Variants in UGCG observed in about 807,000 individuals in gnomAD.
The protein encoded by UGCG is ceramide glucosyltransferase.
UGCG carries 10 observed loss-of-function variants against 49.5 expected under a neutral mutation model. The ratio of observed to expected loss-of-function variants is 0.20; its 90% CI spans 0.12 to 0.34. The LOEUF is 0.34. UGCG is among the 10% of genes least tolerant of loss of function. The pLI is 1.00. For missense variants in UGCG, 312 were observed against 483.7 expected (o/e 0.65, Z 3.33); for synonymous variants, 182 against 158.2 (o/e 1.15, Z -1.13).
rs149359824 is a variant in UGCG, at chr9:111,923,562, G to T, written c.343+611G>T. The stretch of plus-strand genomic sequence containing the variant: ...GACCATTACAAATCTATCAGCTCAT[G>T]GTCAGAGATGCTCATTCTTCACATG... On this transcript the variant is annotated intron_variant, in intron 3 of 8. Transcript: ENST00000374279. Among the ~76,000 whole-genome samples the T allele has an allele frequency of 1.6e-4, 24 of 152,128 alleles. 1 individual carries two copies. The South Asian group carries it at 4.6e-3, about 29-fold the overall frequency.
At position 111,897,065 on chromosome 9, in the gene UGCG, T is replaced by G. The variant is rs1384324978; in HGVS notation, c.-151T>G. ...GGGGCGCGCAGGCCCTGCCCGCCCCTTCCGTCCCCACCCCCCTCCGCCCTT... is the reference window on the plus strand; with the variant it reads ...GGGGCGCGCAGGCCCTGCCCGCCCCGTCCGTCCCCACCCCCCTCCGCCCTT... On this transcript the variant is annotated 5_prime_UTR_variant, in exon 1 of 9. Coordinates refer to ENST00000374279, the MANE Select transcript of UGCG (RefSeq NM_003358.3). 19 of 192,816 alleles carry G rather than the reference T, an allele frequency of 9.9e-5. No individual in the cohort carries two copies. The highest frequency in any genetic ancestry group is 6.1e-4 in the East Asian group (3 of 4,916). The allele number at this position is 192,816 out of a possible 1,614,324, so 11.9% of individuals were successfully genotyped here.
chr9:111,915,822 T>G, intron 2 of UGCG: 1 of 984,672 alleles, frequency 1.0e-6, no homozygotes, highest in Non-Finnish European at 1.2e-6. Flanking sequence ...ATAGCCTTAA[T>G]GCAGCACTTA....
chr9:111,931,659 C>T (rs1353093039), intron 7 of UGCG, among the ~76,000 whole-genome samples: 3 of 151,992 alleles, frequency 2.0e-5, no homozygotes, highest in East Asian at 1.9e-4. Flanking sequence ...TTCATCAGAG[C>T]GTAGGCCATA....
At chr9:111,928,171 C>G (rs891593272) in intron 5 of UGCG, among the ~76,000 whole-genome samples, 1 of 152,190 alleles carries the variant, frequency 6.6e-6, no homozygotes, top group African/African-American at 2.4e-5. Context: ...ATTGTGGGAA[C>G]TTGCATCTGG....
At chr9:111,908,059 G>C (rs1262786677) in intron 1 of UGCG, among the ~76,000 whole-genome samples, 2 of 151,558 alleles carry the variant, frequency 1.3e-5, no homozygotes, top group African/African-American at 4.9e-5. Context: ...AATCCAGTTA[G>C]CGTTTCTTCA....
chr9:111,898,869 G>C (rs1442237140), intron 1 of UGCG, among the ~76,000 whole-genome samples: 1 of 152,166 alleles, frequency 6.6e-6, no homozygotes, highest in Non-Finnish European at 1.5e-5. Flanking sequence ...TTATTGTTCT[G>C]TAACCTGCTT....
chr9:111,901,218 C>T (rs944405127), intron 1 of UGCG, among the ~76,000 whole-genome samples: 6 of 152,188 alleles, frequency 3.9e-5, no homozygotes, highest in African/African-American at 1.4e-4. Context: ...ATAAACTACC[C>T]GTCAAAAACT....
chr9:111,912,743 A>C (rs573194791), intron 1 of UGCG, among the ~76,000 whole-genome samples: 3 of 152,330 alleles, frequency 2.0e-5, no homozygotes, highest in African/African-American at 7.2e-5. Context: ...AAACCAGTAA[A>C]AAGCAATGCT....
In UGCG at chr9:111,934,379, G is replaced by C. The variant is rs150761575; in HGVS notation, c.*1382G>C. 5.3e-3 allele frequency: 799 copies of C among 151,588 alleles called. 8 individuals are homozygous for C. The highest frequency in any genetic ancestry group is 0.017 in the African/African-American group (712 of 41,392). 9.4% of individuals were successfully genotyped at this position (151,588 alleles called of 1,614,324 possible). A position where few individuals can be genotyped will look rare whatever the true frequency, so the allele number is the denominator to read the frequency against. ...TTTTTTAAAAAAAAAAAACAAAAAT[G>C]TAAGGGACAGTGCATAAGCCTTTTC... On this transcript the variant is annotated 3_prime_UTR_variant, in exon 9 of 9. Transcript: ENST00000374279.
chr9:111,906,862 G>A (rs16916446), intron 1 of UGCG, among the ~76,000 whole-genome samples: 6,870 of 152,210 alleles, frequency 0.045, 524 homozygotes, highest in African/African-American at 0.16. Context: ...ATACAAAAAT[G>A]ATCCTGGTTG....
At chr9:111,912,077 A>C (rs1342765471) in intron 1 of UGCG, among the ~76,000 whole-genome samples, 1 of 136,160 alleles carries the variant, frequency 7.3e-6, no homozygotes, top group Admixed American at 7.3e-5. Context: ...TTAATTGTGT[A>C]ATATAAACTT....
intron 1 of UGCG, among the ~76,000 whole-genome samples, chr9:111,906,838 C>G (rs971893497): frequency 6.6e-6 from 1 of 152,164 alleles, no homozygotes; most frequent in African/African-American, 2.4e-5. Context: ...ACTTTATTCT[C>G]TTAACTTCTA....
intron 7 of UGCG, 95 bp from the exon 8 acceptor site, chr9:111,932,075 A>C: frequency 1.3e-5 from 17 of 1,314,754 alleles, no homozygotes; most frequent in Non-Finnish European, 1.7e-5. Flanking sequence ...TCTTTCTATC[A>C]CAGGGTAAAA....
chr9:111,905,024 A>C (rs1837854087), intron 1 of UGCG, among the ~76,000 whole-genome samples: 1 of 152,164 alleles, frequency 6.6e-6, no homozygotes, highest in Non-Finnish European at 1.5e-5. Context: ...TTGCCACTGC[A>C]CTCCAACCTG....
At chr9:111,921,566 G>T (rs1030272067) in intron 2 of UGCG, among the ~76,000 whole-genome samples, 1 of 151,040 alleles carries the variant, frequency 6.6e-6, no homozygotes, top group Non-Finnish European at 1.5e-5. Flanking sequence ...CAGGCGAATC[G>T]ATTGAACCTG....
chr9:111,929,710 T>C, intron 6 of UGCG, 32 bp downstream of exon 6: 1 of 1,606,728 alleles, frequency 6.2e-7, no homozygotes, highest in Admixed American at 1.7e-5. Flanking sequence ...ATAGTATTTT[T>C]ATTACCTAAC....
chr9:111,926,728 C>T (rs541998991), intron 5 of UGCG, among the ~76,000 whole-genome samples: 9 of 152,104 alleles, frequency 5.9e-5, no homozygotes, highest in Admixed American at 1.3e-4. Flanking sequence ...GAAATGCCTG[C>T]GGTCTTATTG....
At chr9:111,930,489 A>G (rs1413865122) in intron 6 of UGCG, among the ~76,000 whole-genome samples, 10 of 109,080 alleles carry the variant, frequency 9.2e-5, no homozygotes, top group African/African-American at 3.2e-4. Context: ...TTTTTTTTTG[A>G]GACAGTCTCG....
intron 1 of UGCG, among the ~76,000 whole-genome samples, chr9:111,912,011 CAT>C (rs1454088642): frequency 1.8e-5 from 1 of 56,812 alleles, no homozygotes; most frequent in African/African-American, 9.9e-5. Flanking sequence ...CAACAGGATA[CAT>C]ATATATATTC....
Sources: allele counts gnomAD v4.1 joint callset (sites outside exome capture counted in the v4.1 genomes callset), GRCh38; gene constraint gnomAD v4.1.1; transcripts MANE v1.5; gene names NCBI Gene and HGNC (gene_info 2026-07-23, HGNC 2026-07-21).